Variants in SDK1 observed in about 807,000 individuals in gnomAD.
The protein encoded by SDK1 is sidekick cell adhesion molecule 1.
SDK1 carries 157 observed loss-of-function variants against 245.5 expected under a neutral mutation model. The ratio of observed to expected loss-of-function variants is 0.64; its 90% CI spans 0.56 to 0.73. SDK1 has a LOEUF of 0.73. Ranked by LOEUF, SDK1 falls within the 30% of genes least tolerant of loss-of-function variation. The probability of loss-of-function intolerance (pLI) is 0.00; values close to 1 mark genes in which losing one functional copy is unlikely to be tolerated. For missense variants in SDK1, 3,583 were observed against 3,002.3 expected, an observed-to-expected ratio of 1.19 and a Z score of -4.52; for synonymous variants, 1,647 against 1,278.5, an observed-to-expected ratio of 1.29 and a Z score of -6.15.
chr7:4,261,444 G>A (rs972675238), intron 44 of SDK1, among the ~76,000 whole-genome samples: 3 of 147,662 alleles, frequency 2.0e-5, no homozygotes, highest in Non-Finnish European at 3.0e-5. Context: ...TGGGGAAACC[G>A]GATTGGCAGT....
At chr7:3,314,289 C>A (rs570109381) in intron 1 of SDK1, among the ~76,000 whole-genome samples, 4 of 152,306 alleles carry the variant, frequency 2.6e-5, no homozygotes, top group African/African-American at 9.6e-5. Flanking sequence ...TAGATCAGAA[C>A]AGGATTCTTG....
chr7:3,581,132 G>C (rs1780474388), intron 1 of SDK1, among the ~76,000 whole-genome samples: 1 of 152,056 alleles, frequency 6.6e-6, no homozygotes, highest in South Asian at 2.1e-4. Context: ...AAACTTAATA[G>C]CTTTTGCAGA....
At chr7:4,181,106 C>T (rs930363996) in intron 35 of SDK1, among the ~76,000 whole-genome samples, 1 of 152,218 alleles carries the variant, frequency 6.6e-6, no homozygotes. Context: ...CCCCCTTTTC[C>T]CTCTTTTCCC....
intron 22 of SDK1, among the ~76,000 whole-genome samples, chr7:4,089,306 C>T (rs146326920): frequency 6.6e-6 from 1 of 152,344 alleles, no homozygotes; most frequent in African/African-American, 2.4e-5. Context: ...TGGAGGCGCC[C>T]AGACCCCGAC....
At chr7:3,945,428 G>A (rs1295095083) in intron 5 of SDK1, among the ~76,000 whole-genome samples, 2 of 152,152 alleles carry the variant, frequency 1.3e-5, no homozygotes, top group Non-Finnish European at 2.9e-5. Flanking sequence ...AAAGATCCCA[G>A]AGGAACACAA....
chr7:4,245,856 C>T, intron 44 of SDK1, 51 bp downstream of exon 44: 2 of 1,605,870 alleles, frequency 1.2e-6, no homozygotes, highest in Non-Finnish European at 8.5e-7. Flanking sequence ...CCTACTTCTG[C>T]AGTGAGACTT....
At chr7:3,625,272 C>G (rs1583241496) in intron 2 of SDK1, among the ~76,000 whole-genome samples, 1 of 152,228 alleles carries the variant, frequency 6.6e-6, no homozygotes. Flanking sequence ...AGAAACCGAT[C>G]ACAGATAAAT....
intron 28 of SDK1, among the ~76,000 whole-genome samples, chr7:4,141,463 GA>G (rs1779578004): frequency 1.3e-5 from 2 of 152,188 alleles, no homozygotes; most frequent in Admixed American, 6.5e-5. Flanking sequence ...AAACAATAAT[GA>G]AAACACGTCT....
intron 27 of SDK1, chr7:4,130,315 T>G: frequency 6.9e-6 from 4 of 578,388 alleles, no homozygotes; most frequent in Non-Finnish European, 1.2e-5. Context: ...GAACCTGTAC[T>G]GAGTTTCCCT....
chr7:4,128,900 G>A (rs1292187916), intron 26 of SDK1, among the ~76,000 whole-genome samples: 2 of 135,994 alleles, frequency 1.5e-5, no homozygotes, highest in Non-Finnish European at 3.2e-5. Context: ...GCAGCTTGGG[G>A]TGGGGTCCCC....
At chr7:3,502,369 C>T (rs368062060) in intron 1 of SDK1, among the ~76,000 whole-genome samples, 4 of 152,228 alleles carry the variant, frequency 2.6e-5, no homozygotes, top group East Asian at 1.9e-4. Flanking sequence ...CTTGCCTCAG[C>T]CTCCCGAGTA....
chr7:3,722,276 G>A (rs75675210), intron 4 of SDK1, among the ~76,000 whole-genome samples: 135 of 152,258 alleles, frequency 8.9e-4, no homozygotes, highest in Middle Eastern at 3.4e-3. Flanking sequence ...CACGTCCTAT[G>A]CCATAGCCAC....
chr7:4,099,734 A>G (rs1272531799), intron 22 of SDK1, among the ~76,000 whole-genome samples: 1 of 147,692 alleles, frequency 6.8e-6, no homozygotes, highest in African/African-American at 2.5e-5. Flanking sequence ...GGCAGGGCCA[A>G]GCAGGCACAG....
At chr7:4,201,741 C>T (rs1487473833) in intron 35 of SDK1, among the ~76,000 whole-genome samples, 2 of 149,916 alleles carry the variant, frequency 1.3e-5, no homozygotes, top group Non-Finnish European at 3.0e-5. Flanking sequence ...TTGGCAACAA[C>T]AGATGACTGG....
intron 1 of SDK1, among the ~76,000 whole-genome samples, chr7:3,459,107 A>G (rs1851419): frequency 0.76 from 116,147 of 152,098 alleles, 44,739 homozygotes; most frequent in African/African-American, 0.86. Context: ...AATTGACATC[A>G]TTATAGTATT....
intron 33 of SDK1, among the ~76,000 whole-genome samples, chr7:4,174,991 G>A (rs1309552670): frequency 1.1e-4 from 16 of 152,202 alleles, no homozygotes; most frequent in African/African-American, 3.1e-4. Context: ...TCCTCGTGCC[G>A]GGGACAGAGT....
At chr7:4,097,527 A>G (rs1288262596) in intron 22 of SDK1, among the ~76,000 whole-genome samples, 1 of 152,206 alleles carries the variant, frequency 6.6e-6, no homozygotes, top group Non-Finnish European at 1.5e-5. Flanking sequence ...CCAGACAGAT[A>G]TATTGGGCCG....
At chr7:3,346,637 T>G (rs1444860365) in intron 1 of SDK1, among the ~76,000 whole-genome samples, 1 of 146,786 alleles carries the variant, frequency 6.8e-6, no homozygotes, top group Non-Finnish European at 1.5e-5. Context: ...CTTAGCCTTC[T>G]GCACCCCCAC....
intron 1 of SDK1, among the ~76,000 whole-genome samples, chr7:3,358,958 A>T (rs1170431930): frequency 1.3e-5 from 2 of 152,218 alleles, no homozygotes; most frequent in Admixed American, 6.5e-5. Flanking sequence ...TTTTCCCAAG[A>T]ATATCTTAAT....
Sources: allele counts gnomAD v4.1 joint callset (sites outside exome capture counted in the v4.1 genomes callset), GRCh38; gene constraint gnomAD v4.1.1; transcripts MANE v1.5; gene names NCBI Gene and HGNC (gene_info 2026-07-23, HGNC 2026-07-21).